Variants in TRIM2 observed in about 807,000 individuals in gnomAD.
TRIM2 encodes the protein tripartite motif-containing protein 2.
In TRIM2, 20 loss-of-function variants were observed where a neutral mutation model predicts 75.2. The observed-to-expected ratio is 0.27, with a 90% CI of 0.19 to 0.39. The LOEUF is 0.39. Among genes scored for constraint, TRIM2 ranks in the 10% least tolerant of loss-of-function variants. The pLI is 1.00. For synonymous variants in TRIM2, 373 were observed against 388.3 expected (o/e 0.96, Z 0.46); for missense variants, 660 against 990.8 (o/e 0.67, Z 4.48).
intron 8 of TRIM2, among the ~76,000 whole-genome samples, chr4:153,319,666 G>A (rs1003631809): frequency 6.6e-6 from 1 of 151,940 alleles, no homozygotes; most frequent in African/African-American, 2.4e-5. Flanking sequence ...GGAGGCAGAG[G>A]TTGCAATGAG....
chr4:153,244,432 C>CTTCTTCTTCTTCT (rs1560875871), intron 1 of TRIM2, among the ~76,000 whole-genome samples: 1 of 108,470 alleles, frequency 9.2e-6, no homozygotes, highest in Non-Finnish European at 1.8e-5. Context: ...TCTTCTTCTT[C>CTTCTTCTTCTTCT]TTCTTTTAAT....
intron 6 of TRIM2, among the ~76,000 whole-genome samples, chr4:153,313,124 C>G (rs559780555): frequency 7.9e-5 from 12 of 152,244 alleles, no homozygotes; most frequent in Admixed American, 5.9e-4. Context: ...CACATATCCC[C>G]CTTCGAGGGC....
At chr4:153,177,831 C>T (rs1441149480) in intron 1 of TRIM2, among the ~76,000 whole-genome samples, 1 of 151,276 alleles carries the variant, frequency 6.6e-6, no homozygotes, top group East Asian at 1.9e-4. Flanking sequence ...GATGGAGTCT[C>T]GATCTTGTCA....
chr4:153,184,482 G>T (rs897932767), intron 1 of TRIM2, among the ~76,000 whole-genome samples: 1 of 152,128 alleles, frequency 6.6e-6, no homozygotes, highest in Non-Finnish European at 1.5e-5. Context: ...AGCCACATTG[G>T]GGGCTAGGGT....
intron 1 of TRIM2, among the ~76,000 whole-genome samples, chr4:153,190,093 C>T (rs1400701949): frequency 3.3e-5 from 5 of 152,206 alleles, no homozygotes; most frequent in African/African-American, 9.6e-5. Context: ...AAATTCCTTT[C>T]GGCTTGCAGA....
At chr4:153,221,893 AGGAG>A (rs1258451941) in intron 1 of TRIM2, among the ~76,000 whole-genome samples, 6 of 87,766 alleles carry the variant, frequency 6.8e-5, no homozygotes, top group Admixed American at 1.3e-4. Context: ...GAAGGAAGGA[AGGAG>A]GGAGGAAGGA....
chr4:153,317,755 G>A (rs1248989559), intron 8 of TRIM2, among the ~76,000 whole-genome samples: 1 of 152,098 alleles, frequency 6.6e-6, no homozygotes, highest in Non-Finnish European at 1.5e-5. Flanking sequence ...TTGAGCCCAG[G>A]AGTTCAAGAC....
At chr4:153,300,527 G>A (rs559933744) in intron 6 of TRIM2, among the ~76,000 whole-genome samples, 39 of 152,058 alleles carry the variant, frequency 2.6e-4, no homozygotes, top group African/African-American at 8.0e-4. Flanking sequence ...TTTCATATCC[G>A]CGATGATTAG....
At chr4:153,238,028 C>T (rs1025262630) in intron 1 of TRIM2, among the ~76,000 whole-genome samples, 1 of 152,058 alleles carries the variant, frequency 6.6e-6, no homozygotes, top group African/African-American at 2.4e-5. Context: ...CCAGGTGAAC[C>T]AAAGCTCAGT....
chr4:153,210,552 T>C (rs1303936399), intron 1 of TRIM2, among the ~76,000 whole-genome samples: 1 of 152,192 alleles, frequency 6.6e-6, no homozygotes, highest in Non-Finnish European at 1.5e-5. Flanking sequence ...AATAGCTCAC[T>C]GACATGCAGG....
At chr4:153,276,331 T>G (rs932568261) in intron 3 of TRIM2, 1 of 599,598 alleles carries the variant, frequency 1.7e-6, no homozygotes, top group African/African-American at 1.9e-5. Flanking sequence ...CAATCTCCAC[T>G]GTGTCTCCTT....
intron 1 of TRIM2, among the ~76,000 whole-genome samples, chr4:153,169,013 C>T (rs931262479): frequency 6.6e-6 from 1 of 152,028 alleles, no homozygotes; most frequent in Non-Finnish European, 1.5e-5. Context: ...CTTGAGAGGC[C>T]GAGGCTGCAG....
chr4:153,176,244 A>G (rs1423250590), intron 1 of TRIM2, among the ~76,000 whole-genome samples: 2 of 152,114 alleles, frequency 1.3e-5, no homozygotes, highest in African/African-American at 4.8e-5. Flanking sequence ...ACTTGAGCCC[A>G]GGAGTTTGAG....
chr4:153,257,639 T>G (rs1206082292), intron 1 of TRIM2: 1 of 1,256,422 alleles, frequency 8.0e-7, no homozygotes, highest in Admixed American at 2.3e-5. Flanking sequence ...CTTTGCATGG[T>G]GCTTCCCAAC....
intron 1 of TRIM2, among the ~76,000 whole-genome samples, chr4:153,236,522 G>A (rs1038735425): frequency 1.3e-5 from 2 of 152,130 alleles, no homozygotes; most frequent in African/African-American, 4.8e-5. Flanking sequence ...AACAGTAGTA[G>A]TTGTCCTCAA....
At chr4:153,161,945 C>A (rs899199033) in intron 1 of TRIM2, among the ~76,000 whole-genome samples, 1 of 152,200 alleles carries the variant, frequency 6.6e-6, no homozygotes, top group Admixed American at 6.5e-5. Flanking sequence ...TATGGCCAGA[C>A]TCTGATTATG....
intron 8 of TRIM2, among the ~76,000 whole-genome samples, chr4:153,316,895 T>TTTTTTTTTTTG (rs1561004144): frequency 7.1e-6 from 1 of 141,212 alleles, no homozygotes; most frequent in African/African-American, 2.7e-5. Flanking sequence ...TTTTTTTTTT[T>TTTTTTTTTTTG]TTTGAGACGG....
chr4:153,194,007 A>G (rs1579440917), intron 1 of TRIM2, among the ~76,000 whole-genome samples: 1 of 152,276 alleles, frequency 6.6e-6, no homozygotes, highest in African/African-American at 2.4e-5. Context: ...GCCTGGACAA[A>G]CTGAATGAGG....
intron 1 of TRIM2, among the ~76,000 whole-genome samples, chr4:153,160,837 G>A (rs1001045102): frequency 2.0e-5 from 3 of 152,028 alleles, no homozygotes; most frequent in Non-Finnish European, 4.4e-5. Flanking sequence ...CTCCTGGGCC[G>A]AAGTGATCTG....
Sources: allele counts gnomAD v4.1 joint callset (sites outside exome capture counted in the v4.1 genomes callset), GRCh38; gene constraint gnomAD v4.1.1; transcripts MANE v1.5; gene names NCBI Gene and HGNC (gene_info 2026-07-23, HGNC 2026-07-21).